The following ADAMTS12 variants were observed in gnomAD, a reference collection of about 807,000 sequenced individuals.
ADAMTS12 encodes the protein ADAM metallopeptidase with thrombospondin type 1 motif 12, also known as A disintegrin and metalloproteinase with thrombospondin motifs 12.
A neutral mutation model predicts 167.8 loss-of-function variants in ADAMTS12; 118 were observed. That is an observed-to-expected ratio of 0.70 (90% CI 0.61 to 0.82). ADAMTS12 has a LOEUF of 0.82. ADAMTS12 is among the 40% of genes least tolerant of loss of function. The pLI, the probability that ADAMTS12 is intolerant of heterozygous loss-of-function variation, is 0.00. For missense variants in ADAMTS12, 1,916 were observed against 1,998.8 expected (o/e 0.96, Z 0.79); for synonymous variants, 704 against 716.9 (o/e 0.98, Z 0.29).
chr5:33,775,543 G>C (rs962657383), intron 2 of ADAMTS12, among the ~76,000 whole-genome samples: 2 of 152,142 alleles, frequency 1.3e-5, no homozygotes, highest in African/African-American at 4.8e-5. Flanking sequence ...GGTGGAATAG[G>C]ACTTTCCAGT....
At chr5:33,565,998 T>C (rs1327921239) in intron 19 of ADAMTS12, among the ~76,000 whole-genome samples, 2 of 152,202 alleles carry the variant, frequency 1.3e-5, no homozygotes, top group African/African-American at 4.8e-5. Flanking sequence ...GTTTTGGTGA[T>C]GAATGAAAAG....
chr5:33,675,594 G>A (rs1741874372), intron 5 of ADAMTS12, among the ~76,000 whole-genome samples: 1 of 152,174 alleles, frequency 6.6e-6, no homozygotes. Flanking sequence ...TAATTGAGTT[G>A]ATGATTACCT....
chr5:33,580,777 T>C (rs1323971830), intron 18 of ADAMTS12, among the ~76,000 whole-genome samples: 3 of 152,206 alleles, frequency 2.0e-5, no homozygotes, highest in African/African-American at 7.2e-5. Flanking sequence ...AATTTTATGT[T>C]AATAAAATTC....
chr5:33,734,479 A>C (rs966836306), intron 3 of ADAMTS12, among the ~76,000 whole-genome samples: 2 of 152,206 alleles, frequency 1.3e-5, no homozygotes, highest in African/African-American at 4.8e-5. Flanking sequence ...CCAGGTTTTT[A>C]AGTCACAATT....
At chr5:33,604,097 A>G (rs1185102114) in intron 16 of ADAMTS12, among the ~76,000 whole-genome samples, 1 of 152,218 alleles carries the variant, frequency 6.6e-6, no homozygotes, top group South Asian at 2.1e-4. Flanking sequence ...GTAACAGAAA[A>G]TCTATTCATG....
At chr5:33,683,692 T>A (rs1742216488) in intron 4 of ADAMTS12, among the ~76,000 whole-genome samples, 167 bp downstream of exon 4, 1 of 152,176 alleles carries the variant, frequency 6.6e-6, no homozygotes, top group Non-Finnish European at 1.5e-5. Flanking sequence ...GACTAATTCA[T>A]CCTGAATTTC....
intron 20 of ADAMTS12, among the ~76,000 whole-genome samples, chr5:33,555,290 C>T (rs1280357720): frequency 6.6e-6 from 1 of 152,128 alleles, no homozygotes; most frequent in Non-Finnish European, 1.5e-5. Context: ...TGCTGCCCAG[C>T]CTGGAATGCA....
At chr5:33,669,737 G>C (rs1007791961) in intron 5 of ADAMTS12, among the ~76,000 whole-genome samples, 1 of 151,514 alleles carries the variant, frequency 6.6e-6, no homozygotes, top group Non-Finnish European at 1.5e-5. Context: ...TTGCATTTGG[G>C]AAAATAAATA....
chr5:33,608,327 A>T (rs537803022), intron 16 of ADAMTS12, among the ~76,000 whole-genome samples: 16 of 152,348 alleles, frequency 1.1e-4, no homozygotes, highest in African/African-American at 2.6e-4. Context: ...AAATAATCAG[A>T]GGTAGATGAA....
chr5:33,569,137 T>C (rs1746172290), intron 19 of ADAMTS12, among the ~76,000 whole-genome samples: 1 of 152,264 alleles, frequency 6.6e-6, no homozygotes, highest in Non-Finnish European at 1.5e-5. Flanking sequence ...GAGGCCTGCC[T>C]GCCTCTGTAG....
At chr5:33,697,397 T>G (rs1742821505) in intron 3 of ADAMTS12, among the ~76,000 whole-genome samples, 1 of 152,204 alleles carries the variant, frequency 6.6e-6, no homozygotes, top group Non-Finnish European at 1.5e-5. Flanking sequence ...ACCTGTTTGT[T>G]TCCCGTTGCC....
At chr5:33,724,250 T>A (rs1561236179) in intron 3 of ADAMTS12, among the ~76,000 whole-genome samples, 1 of 152,102 alleles carries the variant, frequency 6.6e-6, no homozygotes, top group Non-Finnish European at 1.5e-5. Context: ...AGGCCCAACA[T>A]AGAAAACAGA....
intron 22 of ADAMTS12, among the ~76,000 whole-genome samples, chr5:33,539,830 T>C (rs1405043293): frequency 6.6e-6 from 1 of 151,982 alleles, no homozygotes; most frequent in Non-Finnish European, 1.5e-5. Context: ...TAGATTGAGG[T>C]TCCAAGATGG....
chr5:33,621,399 CAAAAAAAA>C (rs202182365), intron 14 of ADAMTS12, among the ~76,000 whole-genome samples: 1 of 82,118 alleles, frequency 1.2e-5, no homozygotes, highest in Non-Finnish European at 2.5e-5. Flanking sequence ...GACTCCATCT[CAAAAAAAA>C]AAAAAAAAAA....
intron 7 of ADAMTS12, among the ~76,000 whole-genome samples, chr5:33,655,117 A>G (rs574336748): frequency 6.6e-6 from 1 of 152,188 alleles, no homozygotes; most frequent in Admixed American, 6.5e-5. Flanking sequence ...ATGGAAAAGT[A>G]TGTATATTCT....
chr5:33,800,406 C>T (rs1746953910), intron 2 of ADAMTS12, among the ~76,000 whole-genome samples: 1 of 152,166 alleles, frequency 6.6e-6, no homozygotes, highest in Non-Finnish European at 1.5e-5. Flanking sequence ...AAAGGAGTCA[C>T]TGCGGATATG....
At chr5:33,684,475 T>C (rs1439986341) in intron 3 of ADAMTS12, among the ~76,000 whole-genome samples, 1 of 152,222 alleles carries the variant, frequency 6.6e-6, no homozygotes, top group East Asian at 1.9e-4. Flanking sequence ...AATGTGGAAA[T>C]TGATGCTCAA....
intron 18 of ADAMTS12, among the ~76,000 whole-genome samples, chr5:33,577,854 G>A (rs1303137106): frequency 6.6e-6 from 1 of 152,156 alleles, no homozygotes; most frequent in East Asian, 1.9e-4. Context: ...GTACTGGTAA[G>A]TGCCCCTCCC....
intron 23 of ADAMTS12, among the ~76,000 whole-genome samples, chr5:33,528,276 T>G (rs560741032): frequency 6.6e-6 from 1 of 151,854 alleles, no homozygotes; most frequent in Non-Finnish European, 1.5e-5. Flanking sequence ...GGGAGGAAAC[T>G]TGGGGGTGGT....
Sources: allele counts gnomAD v4.1 joint callset (sites outside exome capture counted in the v4.1 genomes callset), GRCh38; gene constraint gnomAD v4.1.1; transcripts MANE v1.5; gene names NCBI Gene and HGNC (gene_info 2026-07-23, HGNC 2026-07-21).